FPGS: variants seen among roughly 807,000 people sequenced by gnomAD.
The protein encoded by FPGS is folylpolyglutamate synthase, mitochondrial.
FPGS carries 53 observed loss-of-function variants against 66.5 expected under a neutral mutation model. The observed-to-expected ratio is 0.80, with a 90% CI of 0.64 to 1.00. FPGS has a LOEUF of 1.00. Ranked by LOEUF, FPGS falls within the 50% of genes least tolerant of loss-of-function variation. The pLI, the probability that FPGS is intolerant of heterozygous loss-of-function variation, is 0.00. For missense variants in FPGS, 702 were observed against 807.7 expected, an observed-to-expected ratio of 0.87 and a Z score of 1.59; for synonymous variants, 348 against 350.9, an observed-to-expected ratio of 0.99 and a Z score of 0.09.
chr9:127,810,819 T>G, intron 13 of FPGS, 126 bp from the exon 14 acceptor site: 1 of 593,430 alleles, frequency 1.7e-6, no homozygotes, highest in Non-Finnish European at 3.1e-6. Context: ...TTGGCTAGGT[T>G]TATACAGCAT....
At chr9:127,803,681 G>A (rs1829697280) in intron 1 of FPGS, among the ~76,000 whole-genome samples, 1 of 152,118 alleles carries the variant, frequency 6.6e-6, no homozygotes, top group Non-Finnish European at 1.5e-5. Context: ...AGGTCCTGAG[G>A]GTGGGAGGCA....
At chr9:127,808,973 CTGTT>C in intron 11 of FPGS, 84 bp downstream of exon 11, 1 of 974,486 alleles carries the variant, frequency 1.0e-6, no homozygotes, top group Non-Finnish European at 1.4e-6. Context: ...TTTTGGTTTT[CTGTT>C]TGGGAGATAA....
At position 127,807,634 on chromosome 9, in the gene FPGS, C is replaced by A. The variant is rs979498555; in HGVS notation, c.690C>A (p.Ser230Arg). The A allele has an allele frequency of 1.2e-6, 2 of 1,605,984 alleles. No individual in the cohort carries two copies. Among genetic ancestry groups the A allele is most frequent in the Admixed American group, 1.8e-5 (1 of 56,538 alleles). ...CCTCTCTTGGCATCGACCACACCAG[C>A]CTCCTGGGGGATACGGTGGAGAAGA... ...GVSSLGIDHT[S>R]LLGDTVEKIA... Residue 230 changes from serine (S) to arginine (R), a missense_variant, in exon 8 of 15, where the codon AGC becomes AGA. Physicochemically the swap from Ser to Arg is moderately radical, Grantham distance 110. Around this residue, in one of 3 missense-constraint regions of FPGS, gnomAD observed 240 missense variants for 348.6 expected, o/e 0.69. Transcript: ENST00000373247. This position sits in a 1 kb window ranked among gnomAD's most constrained non-coding sequence, Gnocchi z 5.8.
intron 4 of FPGS, chr9:127,806,683 T>G: frequency 1.7e-5 from 7 of 402,862 alleles, no homozygotes; most frequent in East Asian, 9.1e-5. Flanking sequence ...GAGTGACTGA[T>G]TGGTATGGGA....
In FPGS at chr9:127,807,202, G is replaced by A. The variant is rs752752170; in HGVS notation, c.502-7G>A. 4 of 1,614,068 alleles carry A rather than the reference G, an allele frequency of 2.5e-6. No homozygotes were observed. The South Asian group carries it at 3.3e-5, about 13-fold the overall frequency. On this transcript the variant is annotated splice_region_variant and splice_polypyrimidine_tract_variant and intron_variant, in intron 5 of 14. Transcript: ENST00000373247. The surrounding 1 kb of genome is among the most constrained non-coding windows in gnomAD (Gnocchi z 5.8). ...GCTCTGGGCCCTGACATGTCCCTGT[G>A]CCACAGGATGGCAGCTGTGTCTCCA...
rs760460465 is a variant in FPGS, at chr9:127,802,943, C to A, written c.19C>A (p.His7Asn). Residue 7 changes from histidine (H) to asparagine (N), a missense_variant, in exon 1 of 15, where the codon CAC becomes AAC. By Grantham distance (68) the His-to-Asn change is moderately conservative. Transcript: ENST00000373247. The part of the protein sequence containing the change: MSRARS[H>N]LRAALFLAAA... ...CGGGACTATGTCGCGGGCGCGGAGC[C>A]ACCTGCGCGCCGCTCTATTCCTGGC... 4 of 1,400,598 alleles carry A rather than the reference C, an allele frequency of 2.9e-6. No individual in the cohort carries two copies. In the South Asian group the frequency reaches 6.1e-5, roughly 21 times the overall value. 86.8% of individuals were successfully genotyped at this position (1,400,598 alleles called of 1,614,324 possible).
chr9:127,812,075 A>C (rs899043998), intron 14 of FPGS, among the ~76,000 whole-genome samples: 1 of 150,384 alleles, frequency 6.6e-6, no homozygotes, highest in Non-Finnish European at 1.5e-5. Flanking sequence ...GCCAGACCTC[A>C]TCTCTATAAA....
intron 11 of FPGS, among the ~76,000 whole-genome samples, chr9:127,809,095 AGAT>A (rs1829954953): frequency 6.6e-6 from 1 of 152,066 alleles, no homozygotes; most frequent in Non-Finnish European, 1.5e-5. Context: ...CTGCCAAAGT[AGAT>A]GATGATAGGA....
rs189199353 is a variant in FPGS at position 127,813,781 on chromosome 9, G to T, written c.*177G>T. ...TGTCTTTTTTAAGGCTCTGTGCCTT[G>T]GTCTCTCCTTCCTCTTGGCTGAGAT... On this transcript the variant is annotated 3_prime_UTR_variant, in exon 15 of 15. Coordinates refer to ENST00000373247, the MANE Select transcript of FPGS (RefSeq NM_004957.6). The T allele has an allele frequency of 1.5e-3, 1,883 of 1,295,300 alleles. 2 individuals are homozygous for T. Among genetic ancestry groups the T allele is most frequent in the Admixed American group, 2.3e-3 (56 of 24,848 alleles). 80.2% of individuals were successfully genotyped at this position (1,295,300 alleles called of 1,614,324 possible).
At chr9:127,803,093 T>C in intron 1 of FPGS, 31 bp downstream of exon 1, 1 of 1,359,588 alleles carries the variant, frequency 7.4e-7, no homozygotes, top group Non-Finnish European at 9.4e-7. Context: ...CCAGCGGGCC[T>C]GGGCGCGACG....
At chr9:127,806,790 C>G in intron 4 of FPGS, 183 bp from the exon 5 acceptor site, 1 of 606,610 alleles carries the variant, frequency 1.6e-6, no homozygotes, top group South Asian at 1.9e-5. Context: ...GTGCAGAGGC[C>G]TGGAGATAGA....
In FPGS at chr9:127,804,484, G is replaced by T; in HGVS notation, c.268-15G>T. The T allele has an allele frequency of 6.2e-7, 1 of 1,614,060 alleles. No individual in the cohort carries two copies. Among genetic ancestry groups the T allele is most frequent in the South Asian group, 1.1e-5 (1 of 91,082 alleles). On this transcript the variant is annotated splice_polypyrimidine_tract_variant and intron_variant, in intron 2 of 14. Coordinates refer to ENST00000373247, the MANE Select transcript of FPGS (RefSeq NM_004957.6). ...TTCCCGTAGCTGAGGCAGGGACCTT[G>T]TCTGTCTGTCCCAGGTGGAGGACTT...
At position 127,806,980 on chromosome 9, in the gene FPGS, C is replaced by A. The variant is rs750448655; in HGVS notation, c.394C>A (p.His132Asn). 10 of 1,613,670 alleles carry A rather than the reference C, an allele frequency of 6.2e-6. No individual in the cohort carries two copies. The highest frequency in any genetic ancestry group is 8.5e-6 in the Non-Finnish European group (10 of 1,179,794). ...GLKTGFFSSPHLVQVRERIRI... is the reference protein window; with the variant it reads ...GLKTGFFSSPNLVQVRERIRI... The stretch of plus-strand genomic sequence containing the variant: ...CCCCAGCTGTCCCGGCAGCTCTCCC[C>A]ACCTGGTGCAGGTTCGGGAGCGGAT... The change falls in exon 5 of 15, where the codon CAC becomes AAC. Residue 132 changes from histidine to asparagine, a missense_variant. Physicochemically the swap from His to Asn is moderately conservative, Grantham distance 68. Around this residue, in one of 3 missense-constraint regions of FPGS, gnomAD observed 240 missense variants for 348.6 expected, o/e 0.69. Transcript: ENST00000373247.
chr9:127,813,834 T>C lies in FPGS; in HGVS notation c.*230T>C, dbSNP rs1025249014. 6.4e-6 allele frequency: 8 copies of C among 1,254,972 alleles called. No homozygotes were observed. Among genetic ancestry groups the C allele is most frequent in the Non-Finnish European group, 8.0e-6 (8 of 1,003,082 alleles). The allele number at this position is 1,254,972 out of a possible 1,614,324, so 77.7% of individuals were successfully genotyped here. On this transcript the variant is annotated 3_prime_UTR_variant, in exon 15 of 15. Transcript: ENST00000373247. ...CAGAGGGGCTCCCCGGGTCTCTCAC[T>C]GTTGCAGTGGCCTGGCCGTTCAGCC...
rs762871590 is a variant in FPGS at position 127,807,504 on chromosome 9, G to A, written c.641+22G>A. 3.0e-5 allele frequency: 49 copies of A among 1,613,688 alleles called. No homozygotes were observed. The South Asian group carries it at 3.5e-4, about 12-fold the overall frequency. Reference sequence around the variant, plus strand: ...TCAGGTGAGCGCAGTTGCTTGGGACGAGGGGTGGCAGCCAGGAGCACAGCC... The same window carrying A: ...TCAGGTGAGCGCAGTTGCTTGGGACAAGGGGTGGCAGCCAGGAGCACAGCC... On this transcript the variant is annotated intron_variant, in intron 7 of 14. Transcript: ENST00000373247. This position sits in a 1 kb window ranked among gnomAD's most constrained non-coding sequence, Gnocchi z 5.8.
intron 11 of FPGS, 39 bp downstream of exon 11, chr9:127,808,928 G>T (rs1457447828): frequency 2.2e-6 from 3 of 1,386,154 alleles, no homozygotes; most frequent in Non-Finnish European, 3.0e-6. Flanking sequence ...ACCACTGCGT[G>T]TGTCTGTGCC....
At position 127,807,049 on chromosome 9, in the gene FPGS, T is replaced by C. The variant is rs1473344236; in HGVS notation, c.463T>C (p.Tyr155His). The change falls in exon 5 of 15, where the codon TAC becomes CAC. Residue 155 changes from tyrosine to histidine, a missense_variant. Coordinates refer to ENST00000373247, the MANE Select transcript of FPGS (RefSeq NM_004957.6). This position sits in a 1 kb window ranked among gnomAD's most constrained non-coding sequence, Gnocchi z 5.8. ...CATCAGTCCTGAGCTCTTCACCAAG[T>C]ACTTCTGGCGCCTCTACCACCGGCT... is the stretch of plus-strand genomic sequence containing the variant. ...QPISPELFTK[Y>H]FWRLYHRLEE... The C allele has an allele frequency of 1.2e-6, 2 of 1,614,118 alleles. No individual in the cohort carries two copies. The highest frequency in any genetic ancestry group is 3.3e-5 in the Admixed American group (2 of 60,018).
chr9:127,813,272 G>A lies in FPGS; in HGVS notation c.1432G>A (p.Asp478Asn). 8 of 1,612,954 alleles carry A rather than the reference G, an allele frequency of 5.0e-6. No individual in the cohort carries two copies. The highest frequency in any genetic ancestry group is 6.8e-6 in the Non-Finnish European group (8 of 1,179,836). ...ACACCAGCAGCACTGGAACCACCTG[G>A]ACGAAGAGCAGGCCAGCCCGGACCT... ...LEHQQHWNHLDEEQASPDLWS... is the reference protein window; with the variant it reads ...LEHQQHWNHLNEEQASPDLWS... The change falls in exon 15 of 15, where the codon GAC becomes AAC. Residue 478 changes from aspartate (D) to asparagine (N), a missense_variant. This residue lies in a region of FPGS where 351 missense variants were observed against 363.7 expected (regional missense o/e 0.97). Transcript: ENST00000373247.
chr9:127,814,112 G>A (rs41319447), downstream of FPGS: 31,902 of 986,302 alleles, frequency 0.032, 596 homozygotes, highest in Non-Finnish European at 0.035. Flanking sequence ...CAGCAGAGAC[G>A]GAGGGAGGGG....
Sources: allele counts gnomAD v4.1 joint callset (sites outside exome capture counted in the v4.1 genomes callset), GRCh38; gene constraint gnomAD v4.1.1; regional missense constraint gnomAD v4.1.1; non-coding constraint Gnocchi (gnomAD v3.1); transcripts MANE v1.5; gene names NCBI Gene and HGNC (gene_info 2026-07-23, HGNC 2026-07-21).